CUBN: variants seen among roughly 807,000 people sequenced by gnomAD.
The protein encoded by CUBN is cubilin, also known as 460 kDa receptor.
A neutral mutation model predicts 405.3 loss-of-function variants in CUBN; 282 were observed. That is an observed-to-expected ratio of 0.70 (90% CI 0.63 to 0.77). The LOEUF is 0.77. CUBN is among the 30% of genes least tolerant of loss of function. CUBN has a pLI of 0.00. For synonymous variants in CUBN, 1,684 were observed against 1,617.0 expected (o/e 1.04, Z -0.99); for missense variants, 4,514 against 4,475.2 (o/e 1.01, Z -0.25).
chr10:16,858,365 G>T (rs1239917169), intron 59 of CUBN, among the ~76,000 whole-genome samples: 1 of 152,130 alleles, frequency 6.6e-6, no homozygotes, highest in Non-Finnish European at 1.5e-5. Context: ...CTGTCACCCA[G>T]ACTGGAGTGC....
chr10:17,109,798 T>C, intron 9 of CUBN, 63 bp from the exon 10 acceptor site: 5 of 1,306,390 alleles, frequency 3.8e-6, no homozygotes, highest in African/African-American at 2.9e-5. Context: ...ACAAAGCCTG[T>C]CTAGGATTCA....
chr10:17,028,504 T>G (rs1489497811), intron 27 of CUBN, among the ~76,000 whole-genome samples: 1 of 151,314 alleles, frequency 6.6e-6, no homozygotes, highest in African/African-American at 2.4e-5. Flanking sequence ...GTGGATCACG[T>G]GAGGCCAGGA....
intron 54 of CUBN, among the ~76,000 whole-genome samples, chr10:16,891,854 T>C (rs990354624): frequency 1.3e-5 from 2 of 152,134 alleles, no homozygotes; most frequent in Admixed American, 6.5e-5. Flanking sequence ...ATGGGTAGTA[T>C]CTAGTGGGTA....
intron 27 of CUBN, among the ~76,000 whole-genome samples, chr10:17,037,459 A>G (rs1213618843): frequency 1.3e-5 from 2 of 152,232 alleles, no homozygotes; most frequent in African/African-American, 4.8e-5. Flanking sequence ...GGAGATTATA[A>G]ATCTTGATAT....
At chr10:17,007,790 C>T (rs984381926) in intron 28 of CUBN, among the ~76,000 whole-genome samples, 7 of 152,156 alleles carry the variant, frequency 4.6e-5, no homozygotes, top group South Asian at 2.1e-4. Context: ...ACATCCCTTG[C>T]GGGGCTGTGC....
chr10:17,109,506 T>C, intron 10 of CUBN, 134 bp downstream of exon 10: 1 of 733,834 alleles, frequency 1.4e-6, no homozygotes, highest in Admixed American at 2.0e-5. Context: ...TGTAGTTTTA[T>C]GGCATGGATT....
chr10:17,068,846 A>T, intron 19 of CUBN, 76 bp from the exon 20 acceptor site: 1 of 1,163,104 alleles, frequency 8.6e-7, no homozygotes, highest in Non-Finnish European at 1.3e-6. Flanking sequence ...TTATTTCTGA[A>T]ATGTTTTTAA....
rs1371265560 is a variant in CUBN, at chr10:16,835,882, GC to G, written c.10180+352del. Among the ~76,000 whole-genome samples the G allele has an allele frequency of 2.0e-5, 3 of 151,936 alleles. No homozygotes were observed. In the East Asian group the frequency reaches 5.8e-4, roughly 29 times the overall value. ...GATATGAGAATTATATTTTGATAAA[GC>G]TTTTGTAAATAAACATATATATTTC... On this transcript the variant is annotated intron_variant, in intron 63 of 66. Coordinates refer to ENST00000377833, the MANE Select transcript of CUBN (RefSeq NM_001081.4).
intron 14 of CUBN, among the ~76,000 whole-genome samples, chr10:17,098,054 C>T (rs1416210234): frequency 2.0e-5 from 3 of 152,130 alleles, no homozygotes; most frequent in Non-Finnish European, 4.4e-5. Context: ...TGTTGTAATG[C>T]TTGCTCTGAG....
intron 58 of CUBN, among the ~76,000 whole-genome samples, chr10:16,870,204 T>C (rs936681735): frequency 6.6e-6 from 1 of 152,222 alleles, no homozygotes; most frequent in African/African-American, 2.4e-5. Context: ...CAGCAATACT[T>C]TAGTTTTTTA....
intron 17 of CUBN, among the ~76,000 whole-genome samples, chr10:17,080,996 A>G (rs572461034): frequency 2.0e-5 from 3 of 152,292 alleles, no homozygotes; most frequent in Admixed American, 2.0e-4. Flanking sequence ...TAGAAACTTC[A>G]CTTAAGAGAG....
At position 16,933,087 on chromosome 10, in the gene CUBN, C is replaced by T. The variant is rs746491117; in HGVS notation, c.6124G>A (p.Gly2042Arg). ...CAYDSLVIRD[G>R]DNNLAQQLAV... is the part of the protein sequence containing the mutation. ...TCAGCATTCTTTATAATGTTCTCAC[C>T]ATCTCGTATCACAAGGCTATCATAG... The change falls in exon 40 of 67, where the codon GGA (glycine) becomes AGA (arginine). Residue 2042 changes from glycine to arginine, a missense_variant and splice_region_variant. Transcript: ENST00000377833. 3.5e-5 allele frequency: 57 copies of T among 1,613,518 alleles called. No homozygotes were observed. Among genetic ancestry groups the T allele is most frequent in the Non-Finnish European group, 4.3e-5 (51 of 1,179,674 alleles).
intron 36 of CUBN, among the ~76,000 whole-genome samples, chr10:16,941,827 T>A (rs1291129369): frequency 6.6e-6 from 1 of 151,706 alleles, no homozygotes; most frequent in Non-Finnish European, 1.5e-5. Context: ...TGCAACAGAG[T>A]GAGACTCTGT....
At position 17,083,613 on chromosome 10, in the gene CUBN, T is replaced by C. The variant is rs533324535; in HGVS notation, c.2301+658A>G. Reference sequence around the variant, plus strand: ...GCTAGATCTTATGCTAAAGTTCTGTTTCCTCTGTCTAAATGTAGAAAGAAG... The same window carrying C: ...GCTAGATCTTATGCTAAAGTTCTGTCTCCTCTGTCTAAATGTAGAAAGAAG... On this transcript the variant is annotated intron_variant, in intron 17 of 66. Coordinates refer to ENST00000377833, the MANE Select transcript of CUBN (RefSeq NM_001081.4). 2.6e-5 allele frequency among the ~76,000 whole-genome samples: 4 copies of C among 152,286 alleles called. No homozygotes were observed. The East Asian group carries it at 7.7e-4, about 29-fold the overall frequency.
chr10:17,061,474 G>C lies in CUBN; in HGVS notation c.3139+4034C>G, dbSNP rs571607200. ...GAGAACACTACACTCCCAAACTGAAGTTTTAAAATAGAAACAGAACTCTCT... is the reference window on the plus strand; with the variant it reads ...GAGAACACTACACTCCCAAACTGAACTTTTAAAATAGAAACAGAACTCTCT... On this transcript the variant is annotated intron_variant, in intron 22 of 66. Coordinates refer to ENST00000377833, the MANE Select transcript of CUBN (RefSeq NM_001081.4). 2.4e-4 allele frequency among the ~76,000 whole-genome samples: 37 copies of C among 152,252 alleles called. No individual in the cohort carries two copies. The South Asian group carries it at 7.7e-3, about 32-fold the overall frequency.
chr10:16,931,860 A>T (rs1842372265), intron 40 of CUBN, among the ~76,000 whole-genome samples: 1 of 152,236 alleles, frequency 6.6e-6, no homozygotes, highest in Non-Finnish European at 1.5e-5. Flanking sequence ...GAATAACCAT[A>T]ATTTACTTCA....
At chr10:17,074,628 A>G (rs1835812869) in intron 17 of CUBN, among the ~76,000 whole-genome samples, 1 of 152,142 alleles carries the variant, frequency 6.6e-6, no homozygotes, top group African/African-American at 2.4e-5. Context: ...GTTAGTCACT[A>G]TTTCTGAAAA....
chr10:17,115,381 AG>A, intron 7 of CUBN, 89 bp downstream of exon 7: 1 of 1,538,172 alleles, frequency 6.5e-7, no homozygotes, highest in Middle Eastern at 2.3e-4. Context: ...TGTAAGCTCC[AG>A]GTAGTGCTTG....
chr10:17,109,860 A>G (rs965590790), intron 9 of CUBN, 125 bp from the exon 10 acceptor site: 20 of 724,782 alleles, frequency 2.8e-5, no homozygotes, highest in African/African-American at 5.2e-5. Flanking sequence ...AACAAAAAAT[A>G]TAAGTATAAA....
Sources: allele counts gnomAD v4.1 joint callset (sites outside exome capture counted in the v4.1 genomes callset), GRCh38; gene constraint gnomAD v4.1.1; transcripts MANE v1.5; gene names NCBI Gene and HGNC (gene_info 2026-07-23, HGNC 2026-07-21).